The following POFUT1 variants were observed in gnomAD, a reference collection of about 807,000 sequenced individuals.
The protein encoded by POFUT1 is protein O-fucosyltransferase 1.
In POFUT1, 16 loss-of-function variants were observed where a neutral mutation model predicts 42.4. The observed-to-expected ratio is 0.38, with a 90% confidence interval of 0.26 to 0.57. The LOEUF (loss-of-function observed/expected upper bound fraction) is 0.57, where lower values mean the gene tolerates loss of function less well. POFUT1 is among the 20% of genes least tolerant of loss of function. POFUT1 has a pLI of 0.71. For synonymous variants in POFUT1, 206 were observed against 205.4 expected, an observed-to-expected ratio of 1.00 and a Z score of -0.03; for missense variants, 470 against 504.6, an observed-to-expected ratio of 0.93 and a Z score of 0.66.
At chr20:32,234,068 C>T (rs1156661216) in intron 6 of POFUT1, among the ~76,000 whole-genome samples, 2 of 152,132 alleles carry the variant, frequency 1.3e-5, no homozygotes, top group African/African-American at 4.8e-5. Context: ...CTTGTAGTCC[C>T]AGCTACTTGG....
At chr20:32,227,548 G>A (rs567935295) in intron 4 of POFUT1, among the ~76,000 whole-genome samples, 4 of 152,216 alleles carry the variant, frequency 2.6e-5, no homozygotes, top group African/African-American at 9.6e-5. Context: ...AAAAAGAAAA[G>A]AAAAATATTT....
At chr20:32,227,876 A>C (rs146049195) in intron 4 of POFUT1, among the ~76,000 whole-genome samples, 162 of 152,318 alleles carry the variant, frequency 1.1e-3, no homozygotes, top group Non-Finnish European at 2.0e-3. Flanking sequence ...AAGCAGCTGC[A>C]TGTCCCAGTC....
chr20:32,235,473 C>T lies in POFUT1; in HGVS notation c.*812C>T, dbSNP rs2122608150. On this transcript the variant is annotated 3_prime_UTR_variant, in exon 7 of 7. Transcript: ENST00000375749. ...ATCAGATCTCTTCTGATCTCTTGCCCCAGTGGGGCCTGGTTGGTAGAATGT... is the reference window on the plus strand; with the variant it reads ...ATCAGATCTCTTCTGATCTCTTGCCTCAGTGGGGCCTGGTTGGTAGAATGT... 1 of 152,352 alleles carries T rather than the reference C, an allele frequency of 6.6e-6. No individual in the cohort carries two copies. Among genetic ancestry groups the T allele is most frequent in the South Asian group, 2.1e-4 (1 of 4,830 alleles). The allele number at this position is 152,352 out of a possible 1,614,324, so 9.4% of individuals were successfully genotyped here.
chr20:32,216,255 A>T (rs1181152688), intron 3 of POFUT1, among the ~76,000 whole-genome samples: 1 of 152,138 alleles, frequency 6.6e-6, no homozygotes, highest in Non-Finnish European at 1.5e-5. Flanking sequence ...CTTGGTTTCC[A>T]CCTTGAAAAT....
chr20:32,233,814 G>C (rs1268635174), intron 6 of POFUT1, among the ~76,000 whole-genome samples: 1 of 152,174 alleles, frequency 6.6e-6, no homozygotes, highest in African/African-American at 2.4e-5. Context: ...GGAGCTCTCT[G>C]TTCCCCTCTC....
At chr20:32,225,492 T>C (rs1473078145) in intron 4 of POFUT1, among the ~76,000 whole-genome samples, 1 of 151,988 alleles carries the variant, frequency 6.6e-6, no homozygotes, top group Non-Finnish European at 1.5e-5. Context: ...CGGTCAACTT[T>C]TTTAAATTTT....
chr20:32,233,483 G>A (rs561849218), intron 6 of POFUT1, among the ~76,000 whole-genome samples: 3 of 152,136 alleles, frequency 2.0e-5, no homozygotes, highest in Non-Finnish European at 4.4e-5. Context: ...TTCACAATTT[G>A]TCACCCTTAT....
At position 32,236,654 on chromosome 20, in the gene POFUT1, A is replaced by G. The variant is rs2047472431; in HGVS notation, c.*1993A>G. The G allele has an allele frequency of 6.6e-6, 1 of 152,254 alleles. No homozygotes were observed. The highest frequency in any genetic ancestry group is 1.5e-5 in the Non-Finnish European group (1 of 68,054). 9.4% of individuals were successfully genotyped at this position (152,254 alleles called of 1,614,324 possible). ...TGATAAAAACCGACAGGTTGTTCAA[A>G]GGCCCAGATCAGCTAAAGCATGTAT... On this transcript the variant is annotated 3_prime_UTR_variant, in exon 7 of 7. Coordinates refer to ENST00000375749, the MANE Select transcript of POFUT1 (RefSeq NM_015352.2).
intron 4 of POFUT1, among the ~76,000 whole-genome samples, chr20:32,220,513 G>A (rs765136827): frequency 3.9e-5 from 6 of 152,084 alleles, no homozygotes; most frequent in East Asian, 1.9e-4. Context: ...AGGCTGAGGC[G>A]GGTGGATCAC....
At chr20:32,219,515 T>G (rs951611977) in intron 4 of POFUT1, among the ~76,000 whole-genome samples, 1 of 151,068 alleles carries the variant, frequency 6.6e-6, no homozygotes. Flanking sequence ...CAAGTTTTTT[T>G]TTTTTTTTTT....
In POFUT1 at chr20:32,230,809, C is replaced by T. The variant is rs747958671; in HGVS notation, c.736-10C>T. On this transcript the variant is annotated splice_polypyrimidine_tract_variant and intron_variant, in intron 5 of 6. Coordinates refer to ENST00000375749, the MANE Select transcript of POFUT1 (RefSeq NM_015352.2). Reference sequence around the variant, plus strand: ...TGCCAGTATTTAACCCTGTTCCCCGCTCTCCGTAGAAGAACGCCTGTGCCA... The same window carrying T: ...TGCCAGTATTTAACCCTGTTCCCCGTTCTCCGTAGAAGAACGCCTGTGCCA... The T allele has an allele frequency of 1.2e-6, 2 of 1,612,146 alleles. No individual in the cohort carries two copies. The highest frequency in any genetic ancestry group is 1.7e-6 in the Non-Finnish European group (2 of 1,179,942).
At chr20:32,216,924 G>T in intron 4 of POFUT1, 1 of 1,587,128 alleles carries the variant, frequency 6.3e-7, no homozygotes, top group South Asian at 1.1e-5. Flanking sequence ...CCCGCCATGA[G>T]ATTGAGAAAG....
At chr20:32,209,795 G>C (rs1190144536) in intron 1 of POFUT1, among the ~76,000 whole-genome samples, 1 of 152,222 alleles carries the variant, frequency 6.6e-6, no homozygotes, top group Non-Finnish European at 1.5e-5. Flanking sequence ...CTGGCTGAGG[G>C]ACAGCAAGAT....
rs2047462024 is a variant in POFUT1, at chr20:32,234,880, G to A, written c.*219G>A. 1 of 466,364 alleles carries A rather than the reference G, an allele frequency of 2.1e-6. No individual in the cohort carries two copies. The highest frequency in any genetic ancestry group is 3.8e-6 in the Non-Finnish European group (1 of 263,982). 28.9% of individuals were successfully genotyped at this position (466,364 alleles called of 1,614,324 possible). ...CCTAGGAGCAGGAGCATCTCCCATCGCACGTGCTTTCTGCTCTTCTGGGAA... is the reference window on the plus strand; with the variant it reads ...CCTAGGAGCAGGAGCATCTCCCATCACACGTGCTTTCTGCTCTTCTGGGAA... On this transcript the variant is annotated 3_prime_UTR_variant, in exon 7 of 7. Transcript: ENST00000375749.
rs1186877921 is a variant in POFUT1 at position 32,234,715 on chromosome 20, G to A, written c.*54G>A. On this transcript the variant is annotated 3_prime_UTR_variant, in exon 7 of 7. Transcript: ENST00000375749. The stretch of plus-strand genomic sequence containing the variant: ...CCTGGAGGGACCAGAGTCTGAGCTG[G>A]TCCTTCCAGCCAGGCCTGGCAGCCA... 2.2e-5 allele frequency: 32 copies of A among 1,478,226 alleles called. No homozygotes were observed. The highest frequency in any genetic ancestry group is 2.9e-5 in the Non-Finnish European group (32 of 1,097,766). 91.6% of individuals were successfully genotyped at this position (1,478,226 alleles called of 1,614,324 possible).
chr20:32,222,496 T>C, intron 4 of POFUT1: 1 of 614,816 alleles, frequency 1.6e-6, no homozygotes, highest in South Asian at 7.2e-5. Context: ...ACCCTTTTGC[T>C]TACATCTCAT....
intron 4 of POFUT1, chr20:32,223,098 G>A: frequency 1.0e-6 from 1 of 985,454 alleles, no homozygotes; most frequent in Non-Finnish European, 1.2e-6. Flanking sequence ...TGTATACAGA[G>A]AAGTCCTAGT....
rs1341154790 is a variant in POFUT1, at chr20:32,236,125, TCC to T, written c.*1465_*1466del. 1.3e-5 allele frequency: 2 copies of T among 152,264 alleles called. No homozygotes were observed. The highest frequency in any genetic ancestry group is 2.9e-5 in the Non-Finnish European group (2 of 68,070). 9.4% of individuals were successfully genotyped at this position (152,264 alleles called of 1,614,324 possible). ...TGGGAAAACAATGAAGTGTTTTAAGTCCTGGGTGGACTGAGAGATGGTTTGCC... is the reference window on the plus strand; with the variant it reads ...TGGGAAAACAATGAAGTGTTTTAAGTTGGGTGGACTGAGAGATGGTTTGCC... On this transcript the variant is annotated 3_prime_UTR_variant, in exon 7 of 7. Coordinates refer to ENST00000375749, the MANE Select transcript of POFUT1 (RefSeq NM_015352.2).
Position 32,222,808 on chromosome 20 carries a change from G to T in POFUT1, c.543-5455G>T, listed in dbSNP as rs143044253. On this transcript the variant is annotated intron_variant, in intron 4 of 6. Transcript: ENST00000375749. ...TGCACATTGACTATTGGAAGGCAAT[G>T]CACCATCGTGCCAAACCATTCTCAG... 1.1e-4 allele frequency: 109 copies of T among 985,426 alleles called. No homozygotes were observed. The African/African-American group carries it at 1.8e-3, about 17-fold the overall frequency. The allele number at this position is 985,426 out of a possible 1,614,324, so 61.0% of individuals were successfully genotyped here.
Sources: gnomAD v4.1 joint callset for allele counts (sites outside exome capture counted in the v4.1 genomes callset) on GRCh38, gnomAD v4.1.1 for gene constraint, MANE v1.5 for transcripts, NCBI Gene and HGNC (gene_info 2026-07-23, HGNC 2026-07-21) for gene names.